CSMD1: variants seen among roughly 807,000 people sequenced by gnomAD.
The protein encoded by CSMD1 is CUB and Sushi multiple domains 1.
A neutral mutation model predicts 417.5 loss-of-function variants in CSMD1; 213 were observed. The ratio of observed to expected loss-of-function variants is 0.51; its 90% CI spans 0.46 to 0.57. The LOEUF (loss-of-function observed/expected upper bound fraction) is 0.57, where lower values mean the gene tolerates loss of function less well. Among genes scored for constraint, CSMD1 ranks in the 20% least tolerant of loss-of-function variants. The pLI, the probability that CSMD1 is intolerant of heterozygous loss-of-function variation, is 0.00. For missense variants in CSMD1, 6,923 were observed against 4,529.7 expected (o/e 1.53, Z -15.17); for synonymous variants, 2,862 against 1,736.8 (o/e 1.65, Z -16.11).
chr8:3,428,104 C>T (rs1490201832), intron 12 of CSMD1, among the ~76,000 whole-genome samples: 1 of 152,102 alleles, frequency 6.6e-6, no homozygotes, highest in Non-Finnish European at 1.5e-5. Flanking sequence ...TCTTACAGCA[C>T]CTGAAATTTG....
At chr8:4,434,529 A>C (rs1177085795) in intron 2 of CSMD1, among the ~76,000 whole-genome samples, 1 of 152,204 alleles carries the variant, frequency 6.6e-6, no homozygotes, top group Non-Finnish European at 1.5e-5. Flanking sequence ...CTGATGAAGC[A>C]CTTAAGAGCA....
At chr8:3,414,832 T>C (rs761023704) in intron 12 of CSMD1, among the ~76,000 whole-genome samples, 12 of 152,190 alleles carry the variant, frequency 7.9e-5, no homozygotes, top group Non-Finnish European at 1.5e-4. Context: ...TCCTCTGTTG[T>C]CTTATTTAAC....
intron 5 of CSMD1, among the ~76,000 whole-genome samples, chr8:3,913,206 AG>A: frequency 6.6e-6 from 1 of 152,178 alleles, no homozygotes; most frequent in East Asian, 1.9e-4. Context: ...GTTGGAGGTC[AG>A]AACAGATATC....
At chr8:4,016,655 T>G (rs1249714556) in intron 4 of CSMD1, among the ~76,000 whole-genome samples, 2 of 152,214 alleles carry the variant, frequency 1.3e-5, no homozygotes, top group African/African-American at 4.8e-5. Context: ...TCTACAGGTT[T>G]GTCTTACTCT....
chr8:4,418,229 G>C (rs555876756), intron 3 of CSMD1, among the ~76,000 whole-genome samples: 1 of 151,822 alleles, frequency 6.6e-6, no homozygotes, highest in African/African-American at 2.4e-5. Flanking sequence ...TTTCTACATA[G>C]CCACATTAAA....
chr8:3,621,793 GA>G (rs1433309704), intron 7 of CSMD1, among the ~76,000 whole-genome samples: 4 of 151,406 alleles, frequency 2.6e-5, no homozygotes, highest in African/African-American at 9.7e-5. Flanking sequence ...TTATTTTGTA[GA>G]AACAGGGTTT....
At chr8:3,979,266 C>A (rs894219112) in intron 5 of CSMD1, among the ~76,000 whole-genome samples, 4 of 152,084 alleles carry the variant, frequency 2.6e-5, no homozygotes, top group African/African-American at 9.7e-5. Flanking sequence ...GTTTTGGGAG[C>A]GGATTGCAAT....
chr8:3,543,137 C>A (rs1052988819), intron 10 of CSMD1, among the ~76,000 whole-genome samples: 2 of 152,142 alleles, frequency 1.3e-5, no homozygotes, highest in Non-Finnish European at 2.9e-5. Context: ...TGATCCCAGA[C>A]AGAGAGAAGG....
intron 1 of CSMD1, among the ~76,000 whole-genome samples, chr8:4,778,408 T>C (rs1286266668): frequency 6.6e-6 from 1 of 152,222 alleles, no homozygotes; most frequent in Non-Finnish European, 1.5e-5. Flanking sequence ...TTATTGATTC[T>C]AGAGCTCCGG....
At chr8:3,870,194 G>C (rs946521764) in intron 5 of CSMD1, among the ~76,000 whole-genome samples, 2 of 152,072 alleles carry the variant, frequency 1.3e-5, no homozygotes, top group East Asian at 1.9e-4. Context: ...AGAAAGTCAA[G>C]AAGAAAATGT....
chr8:4,391,553 G>A (rs76706818), intron 3 of CSMD1, among the ~76,000 whole-genome samples: 3 of 151,992 alleles, frequency 2.0e-5, no homozygotes, highest in South Asian at 2.1e-4. Flanking sequence ...CTCAGAGTAG[G>A]TAAGACTTGG....
At chr8:3,615,220 A>T (rs1322269518) in intron 8 of CSMD1, among the ~76,000 whole-genome samples, 1 of 152,138 alleles carries the variant, frequency 6.6e-6, no homozygotes, top group Non-Finnish European at 1.5e-5. Context: ...CAAAGGAAGG[A>T]AGCCATTTAT....
chr8:4,797,773 G>C (rs529111438), intron 1 of CSMD1, among the ~76,000 whole-genome samples: 1 of 152,250 alleles, frequency 6.6e-6, no homozygotes, highest in South Asian at 2.1e-4. Flanking sequence ...TAAATGCTGA[G>C]ACTAATCATT....
At chr8:4,381,586 C>G (rs1189094299) in intron 3 of CSMD1, among the ~76,000 whole-genome samples, 1 of 152,014 alleles carries the variant, frequency 6.6e-6, no homozygotes, top group Non-Finnish European at 1.5e-5. Flanking sequence ...AAAGCAATGA[C>G]CACTTCCCCT....
chr8:3,549,007 C>A (rs967447303), intron 10 of CSMD1, among the ~76,000 whole-genome samples: 1 of 152,086 alleles, frequency 6.6e-6, no homozygotes, highest in Non-Finnish European at 1.5e-5. Flanking sequence ...GTTTCCTCAC[C>A]CTCTAGCCTT....
intron 69 of CSMD1, among the ~76,000 whole-genome samples, chr8:2,939,144 C>T (rs1050276621): frequency 2.6e-5 from 4 of 152,106 alleles, no homozygotes; most frequent in Non-Finnish European, 4.4e-5. Context: ...CCAGGGAAAT[C>T]GGGAAGGTCC....
chr8:3,227,830 C>T (rs1304532247), intron 27 of CSMD1, among the ~76,000 whole-genome samples: 17 of 150,136 alleles, frequency 1.1e-4, no homozygotes, highest in Non-Finnish European at 1.6e-4. Flanking sequence ...TGCAGTGGTG[C>T]GATCTTGGCT....
At chr8:3,248,441 G>C (rs964380859) in intron 26 of CSMD1, among the ~76,000 whole-genome samples, 1 of 151,356 alleles carries the variant, frequency 6.6e-6, no homozygotes, top group South Asian at 2.1e-4. Flanking sequence ...GAAATGGCTG[G>C]AAGTGTGAGA....
intron 2 of CSMD1, among the ~76,000 whole-genome samples, chr8:4,487,094 C>G (rs1801452694): frequency 1.3e-5 from 2 of 152,054 alleles, no homozygotes; most frequent in Admixed American, 6.6e-5. Context: ...TTTTTGCCAT[C>G]TTAGCCTCAA....
Sources: allele counts gnomAD v4.1 joint callset (sites outside exome capture counted in the v4.1 genomes callset), GRCh38; gene constraint gnomAD v4.1.1; transcripts MANE v1.5; gene names NCBI Gene and HGNC (gene_info 2026-07-23, HGNC 2026-07-21).